RNF157: variants seen among roughly 807,000 people sequenced by gnomAD.
RNF157 encodes ring finger protein 157.
A neutral mutation model predicts 88.3 loss-of-function variants in RNF157; 55 were observed. That is an observed-to-expected ratio of 0.62 (90% CI 0.50 to 0.78). The LOEUF (loss-of-function observed/expected upper bound fraction) is 0.78, where lower values mean the gene tolerates loss of function less well. Ranked by LOEUF, RNF157 falls within the 30% of genes least tolerant of loss-of-function variation. The pLI is 0.00. For synonymous variants in RNF157, 334 were observed against 341.2 expected (o/e 0.98, Z 0.23); for missense variants, 788 against 860.8 (o/e 0.92, Z 1.06).
At chr17:76,168,093 G>C (rs972387148) in intron 3 of RNF157, among the ~76,000 whole-genome samples, 1 of 152,288 alleles carries the variant, frequency 6.6e-6, no homozygotes, top group Non-Finnish European at 1.5e-5. Flanking sequence ...AAAAACAGCA[G>C]GCCTTACTTC....
chr17:76,223,831 C>G (rs1250933146), intron 1 of RNF157, among the ~76,000 whole-genome samples: 2 of 152,178 alleles, frequency 1.3e-5, no homozygotes, highest in African/African-American at 4.8e-5. Context: ...CAAAATAACT[C>G]TGAACCTCAG....
chr17:76,224,719 T>C lies in RNF157; in HGVS notation c.89-12237A>G, dbSNP rs539188017. Among the ~76,000 whole-genome samples, 1,362 of 146,976 alleles carry C rather than the reference T, an allele frequency of 9.3e-3. 21 individuals are homozygous for C. The highest frequency in any genetic ancestry group is 0.032 in the African/African-American group (1,281 of 40,252). On this transcript the variant is annotated intron_variant, in intron 1 of 18. Coordinates refer to ENST00000269391, the MANE Select transcript of RNF157 (RefSeq NM_052916.3). ...AACACTACTGATAGCTGATAAGCTT[T>C]AAAAAAAAAAAAGAAAGAAACTGCA...
chr17:76,192,691 A>C (rs868751885), intron 2 of RNF157, among the ~76,000 whole-genome samples: 5 of 152,194 alleles, frequency 3.3e-5, no homozygotes, highest in African/African-American at 1.2e-4. Context: ...AGTAATACTG[A>C]GTAAGCTTGA....
At chr17:76,164,548 C>T (rs544098303) in intron 8 of RNF157, 200 bp downstream of exon 8, 81 of 401,050 alleles carry the variant, frequency 2.0e-4, no homozygotes, top group Admixed American at 3.0e-4. Context: ...TCAGGCCACC[C>T]AAGTCGTTTG....
intron 18 of RNF157, among the ~76,000 whole-genome samples, chr17:76,148,023 CTTTGTAGAGT>C (rs2068611193): frequency 6.6e-6 from 1 of 152,120 alleles, no homozygotes; most frequent in Non-Finnish European, 1.5e-5. Context: ...GTTCAACTGT[CTTTGTAGAGT>C]TGCTCTCCAG....
chr17:76,152,427 T>C lies in RNF157; in HGVS notation c.1849A>G (p.Asn617Asp), dbSNP rs1164544049. Residue 617 changes from asparagine to aspartate, a missense_variant, in exon 18 of 19, where the codon AAT (asparagine) becomes GAT (aspartate). Transcript: ENST00000269391. ...CTTGCGATGTCAAAGTCATTGTTAT[T>C]GTCACACTCCATACCTAGAAATGCG... ...TCAFLGMECD[N>D]NNDFDIASVK... The C allele has an allele frequency of 3.7e-6, 6 of 1,613,946 alleles. No individual in the cohort carries two copies. The highest frequency in any genetic ancestry group is 3.4e-6 in the Non-Finnish European group (4 of 1,179,804).
chr17:76,173,013 G>A (rs2069042731), intron 3 of RNF157, among the ~76,000 whole-genome samples: 1 of 152,172 alleles, frequency 6.6e-6, no homozygotes, highest in South Asian at 2.1e-4. Context: ...AAGGCTGGGC[G>A]CGGTGGCTCA....
rs185080841 is a variant in RNF157, at chr17:76,190,734, C to T, written c.208-16944G>A. Among the ~76,000 whole-genome samples, 75 of 151,294 alleles carry T rather than the reference C, an allele frequency of 5.0e-4. 2 individuals carry two copies. Among genetic ancestry groups the T allele is most frequent in the Admixed American group, 2.2e-3 (34 of 15,218 alleles). On this transcript the variant is annotated intron_variant, in intron 2 of 18. Coordinates refer to ENST00000269391, the MANE Select transcript of RNF157 (RefSeq NM_052916.3). ...GGAGATCGAGACCACGATGAAACCCCGTCTCTACTAAAAACACAAAAAATT... is the reference window on the plus strand; with the variant it reads ...GGAGATCGAGACCACGATGAAACCCTGTCTCTACTAAAAACACAAAAAATT...
chr17:76,169,891 GT>G (rs2068988504), intron 3 of RNF157, among the ~76,000 whole-genome samples: 1 of 152,074 alleles, frequency 6.6e-6, no homozygotes, highest in Admixed American at 6.6e-5. Context: ...TAGTTAGGTT[GT>G]TTTAAAATGT....
rs915378335 is a variant in RNF157 at position 76,152,387 on chromosome 17, T to C, written c.1889A>G (p.Asp630Gly). 10 of 1,612,252 alleles carry C rather than the reference T, an allele frequency of 6.2e-6. No individual in the cohort carries two copies. The African/African-American group carries it at 1.3e-4, about 22-fold the overall frequency. Reference protein sequence around the residue: ...DFDIASVKALDNKLCSEVCLP... With the variant: ...DFDIASVKALGNKLCSEVCLP... ...GCAGACCTCAGAGCACAGCTTATTG[T>C]CCAGTGCTTTCACGCTTGCGATGTC... is the stretch of plus-strand genomic sequence containing the variant. The change falls in exon 18 of 19, where the codon GAC (aspartate) becomes GGC (glycine). Residue 630 changes from aspartate to glycine, a missense_variant. Asp to Gly is a moderately conservative substitution (Grantham distance 94). Transcript: ENST00000269391.
chr17:76,209,023 T>A (rs935323408), intron 2 of RNF157, among the ~76,000 whole-genome samples: 2 of 151,658 alleles, frequency 1.3e-5, no homozygotes, highest in Non-Finnish European at 2.9e-5. Flanking sequence ...GCATACTTAA[T>A]GATTACTACA....
chr17:76,202,122 T>TCTCTCC (rs1269602170), intron 2 of RNF157, among the ~76,000 whole-genome samples: 6 of 139,688 alleles, frequency 4.3e-5, no homozygotes, highest in African/African-American at 1.5e-4. Context: ...TCTCTCTCTC[T>TCTCTCC]CTCTCTCACA....
rs774582888 is a variant in RNF157 at position 76,159,498 on chromosome 17, G to C, written c.1141C>G (p.Pro381Ala). 25 of 1,608,754 alleles carry C rather than the reference G, an allele frequency of 1.6e-5. No homozygotes were observed. The highest frequency in any genetic ancestry group is 1.9e-5 in the Non-Finnish European group (22 of 1,178,292). ...AGCACGTGAAGTGGAGGAACTGCTG[G>C]GGACGGGGTGAGGGGCCCGTTGAGG... ...EALNGPLTPS[P>A]AVPPLHVLGD... The change falls in exon 12 of 19, where the codon CCA (proline) becomes GCA (alanine). Residue 381 changes from proline to alanine, a missense_variant. Physicochemically the swap from Pro to Ala is conservative, Grantham distance 27. Coordinates refer to ENST00000269391, the MANE Select transcript of RNF157 (RefSeq NM_052916.3).
chr17:76,151,491 G>A (rs775091741), intron 18 of RNF157, among the ~76,000 whole-genome samples: 11 of 152,180 alleles, frequency 7.2e-5, no homozygotes, highest in African/African-American at 1.4e-4. Context: ...GTGAGTCTTC[G>A]TTCAGGGAAT....
At chr17:76,232,199 G>A (rs987430497) in intron 1 of RNF157, among the ~76,000 whole-genome samples, 3 of 152,104 alleles carry the variant, frequency 2.0e-5, no homozygotes, top group East Asian at 1.9e-4. Flanking sequence ...CCAGGGCAAC[G>A]TAGTGGGACC....
intron 2 of RNF157, among the ~76,000 whole-genome samples, chr17:76,190,245 C>T (rs1485266163): frequency 1.3e-5 from 2 of 151,262 alleles, no homozygotes; most frequent in African/African-American, 4.9e-5. Flanking sequence ...CGCCTCACTG[C>T]GACTTCCACC....
Position 76,142,912 on chromosome 17 carries a change from G to A in RNF157, c.*2323C>T, listed in dbSNP as rs986465076. 33 of 152,436 alleles carry A rather than the reference G, an allele frequency of 2.2e-4. No homozygotes were observed. The highest frequency in any genetic ancestry group is 7.5e-4 in the African/African-American group (31 of 41,590). 9.4% of individuals were successfully genotyped at this position (152,436 alleles called of 1,614,324 possible). On this transcript the variant is annotated 3_prime_UTR_variant, in exon 19 of 19. Coordinates refer to ENST00000269391, the MANE Select transcript of RNF157 (RefSeq NM_052916.3). The stretch of plus-strand genomic sequence containing the variant: ...AGGAGCCCTGGGTCTCCATAGTTAG[G>A]CTGTGCCCTGTGGGAGAAGCCAGGC...
intron 18 of RNF157, among the ~76,000 whole-genome samples, chr17:76,151,873 C>A (rs1419544022): frequency 6.6e-6 from 1 of 152,198 alleles, no homozygotes; most frequent in African/African-American, 2.4e-5. Context: ...ATCACAGAGC[C>A]ATTCCCTAGC....
At chr17:76,152,656 C>G in intron 17 of RNF157, 191 bp from the exon 18 acceptor site, 1 of 538,560 alleles carries the variant, frequency 1.9e-6, no homozygotes, top group Non-Finnish European at 3.4e-6. Context: ...TGTTCTCGCG[C>G]TTTCCTGCTG....
Sources: allele counts gnomAD v4.1 joint callset (sites outside exome capture counted in the v4.1 genomes callset), GRCh38; gene constraint gnomAD v4.1.1; transcripts MANE v1.5; gene names NCBI Gene and HGNC (gene_info 2026-07-23, HGNC 2026-07-21).